The following FAAH2 variants were observed in gnomAD, a reference collection of about 807,000 sequenced individuals.
FAAH2 encodes fatty acid amide hydrolase 2.
FAAH2 carries 60 observed loss-of-function variants against 36.9 expected under a neutral mutation model. That is an observed-to-expected ratio of 1.63 (90% CI 1.32 to 2.02). The LOEUF is 2.02. FAAH2 is among the 30% of genes most tolerant of loss of function. The pLI is 0.00. For synonymous variants in FAAH2, 214 were observed against 143.8 expected, an observed-to-expected ratio of 1.49 and a Z score of -3.49; for missense variants, 689 against 397.5, an observed-to-expected ratio of 1.73 and a Z score of -6.23.
the FAAH2 span, among the ~76,000 whole-genome samples, chrX:57,261,628 G>A: frequency 9.9e-6 from 1 of 101,520 alleles, no homozygotes; most frequent in South Asian, 4.4e-4. Flanking sequence ...AAATCAAAAC[G>A]AATATAAAGT....
chrX:57,288,412 C>G (rs1010880534), intron 1 of FAAH2, among the ~76,000 whole-genome samples: 1 of 85,874 alleles, frequency 1.2e-5, no homozygotes, highest in Non-Finnish European at 2.1e-5. Flanking sequence ...TGCAGTGGTG[C>G]GATCTTCGCT....
Position 57,378,766 on chromosome X carries a change from G to A in FAAH2, c.858G>A (p.Met286Ile), listed in dbSNP as rs752512866. Reference sequence around the variant, plus strand: ...ACCTGGCCCCCATGTTGAAGGTCATGGCAGGACCTGGGATCAAAAGGTATG... The same window carrying A: ...ACCTGGCCCCCATGTTGAAGGTCATAGCAGGACCTGGGATCAAAAGGTATG... ...AEDLAPMLKV[M>I]AGPGIKRLKL... is the part of the protein sequence containing the mutation. Residue 286 changes from methionine (M) to isoleucine (I), a missense_variant, in exon 6 of 11, where the codon ATG (methionine) becomes ATA (isoleucine). Transcript: ENST00000374900. 3 of 1,207,351 alleles carry A rather than the reference G, an allele frequency of 2.5e-6. No individual in the cohort carries two copies. The African/African-American group carries it at 5.3e-5, about 21-fold the overall frequency.
Position 57,392,118 on chromosome X carries a change from C to T in FAAH2, c.996+11089C>T, listed in dbSNP as rs949798411. Among the ~76,000 whole-genome samples, 5 of 111,279 alleles carry T rather than the reference C, an allele frequency of 4.5e-5. No individual in the cohort carries two copies. The South Asian group carries it at 1.1e-3, about 25-fold the overall frequency. On this transcript the variant is annotated intron_variant, in intron 7 of 10. Coordinates refer to ENST00000374900, the MANE Select transcript of FAAH2 (RefSeq NM_174912.4). The stretch of plus-strand genomic sequence containing the variant: ...TTTTATTTGTTTCTTAGGTTTAATG[C>T]TATTGGTGTATCGAAATGCTACTGA...
chrX:57,373,190 G>C (rs1056620031), intron 5 of FAAH2, among the ~76,000 whole-genome samples: 11 of 111,172 alleles, frequency 9.9e-5, no homozygotes, highest in Non-Finnish European at 1.9e-4. Flanking sequence ...TGCTATAAAC[G>C]TGTGTGCAAG....
the FAAH2 span, among the ~76,000 whole-genome samples, chrX:57,235,049 G>T: frequency 9.0e-6 from 1 of 111,068 alleles, no homozygotes; most frequent in African/African-American, 3.3e-5. Context: ...ATGGCCCAGG[G>T]ACTGGGGGCC....
chrX:57,464,673 AC>A (rs1445531361), intron 10 of FAAH2, among the ~76,000 whole-genome samples: 1 of 110,623 alleles, frequency 9.0e-6, no homozygotes, highest in Non-Finnish European at 1.9e-5. Flanking sequence ...ACTATCCAGA[AC>A]CTACAAAAAA....
chrX:57,358,880 T>C (rs1180234740), intron 5 of FAAH2, among the ~76,000 whole-genome samples: 1 of 111,190 alleles, frequency 9.0e-6, no homozygotes, highest in African/African-American at 3.3e-5. Flanking sequence ...TTGTCAGCAC[T>C]TGTGAGTTAT....
chrX:57,151,513 A>C, the FAAH2 span, among the ~76,000 whole-genome samples: 11 of 110,514 alleles, frequency 1.0e-4, no homozygotes, highest in Non-Finnish European at 2.1e-4. Flanking sequence ...CATTCATTTC[A>C]TCTTCCATCG....
chrX:57,230,175 C>A, the FAAH2 span, among the ~76,000 whole-genome samples: 3 of 112,169 alleles, frequency 2.7e-5, no homozygotes, highest in African/African-American at 9.7e-5. Flanking sequence ...GGTATAACTT[C>A]TTTTCCACCC....
chrX:57,199,836 T>C, the FAAH2 span, among the ~76,000 whole-genome samples: 80 of 112,409 alleles, frequency 7.1e-4, no homozygotes, highest in African/African-American at 2.5e-3. Context: ...TACCATTAAG[T>C]AGAAATCTTC....
chrX:57,466,902 C>A (rs1420347263), intron 10 of FAAH2, among the ~76,000 whole-genome samples: 1 of 110,878 alleles, frequency 9.0e-6, no homozygotes, highest in Non-Finnish European at 1.9e-5. Context: ...TGCCTATGAG[C>A]CCTAATCACA....
intron 5 of FAAH2, among the ~76,000 whole-genome samples, chrX:57,345,878 C>T (rs2053808833): frequency 9.0e-6 from 1 of 111,282 alleles, no homozygotes; most frequent in South Asian, 3.7e-4. Flanking sequence ...TTTCATCGTT[C>T]ACCCAAAAGT....
At chrX:57,278,640 A>G in the FAAH2 span, among the ~76,000 whole-genome samples, 1 of 47,611 alleles carries the variant, frequency 2.1e-5, no homozygotes, top group African/African-American at 6.2e-4. Context: ...CAATAAAACA[A>G]AAAAAAACCT....
chrX:57,464,400 G>T (rs1163164141), intron 10 of FAAH2, among the ~76,000 whole-genome samples: 1 of 109,267 alleles, frequency 9.2e-6, no homozygotes, highest in Non-Finnish European at 1.9e-5. Context: ...TTCATCACAT[G>T]CATCCCAGAA....
the FAAH2 span, among the ~76,000 whole-genome samples, chrX:57,186,109 T>C: frequency 9.0e-6 from 1 of 111,556 alleles, no homozygotes; most frequent in East Asian, 2.8e-4. Context: ...CTGGGACCAA[T>C]GGTATTTCTG....
At chrX:57,380,176 C>T (rs942934721) in intron 6 of FAAH2, among the ~76,000 whole-genome samples, 11 of 110,470 alleles carry the variant, frequency 1.0e-4, no homozygotes, top group African/African-American at 3.6e-4. Context: ...GCTCTTCTTC[C>T]TTTGTTCATC....
intron 5 of FAAH2, among the ~76,000 whole-genome samples, chrX:57,362,594 T>C (rs2054312295): frequency 8.9e-6 from 1 of 111,920 alleles, no homozygotes; most frequent in Non-Finnish European, 1.9e-5. Flanking sequence ...GCAAAAGCTC[T>C]TTCACTTAAT....
At chrX:57,201,196 G>A in the FAAH2 span, among the ~76,000 whole-genome samples, 36 of 110,591 alleles carry the variant, frequency 3.3e-4, 1 homozygote, top group Admixed American at 3.1e-3. Context: ...GCTGAGGAGT[G>A]TGGAACACAA....
intron 10 of FAAH2, among the ~76,000 whole-genome samples, chrX:57,450,137 C>T (rs2056757948): frequency 9.0e-6 from 1 of 111,065 alleles, no homozygotes. Context: ...CAGCTTGAGG[C>T]TTCCTATGGT....
Sources: gnomAD v4.1 joint callset for allele counts (sites outside exome capture counted in the v4.1 genomes callset) on GRCh38, gnomAD v4.1.1 for gene constraint, MANE v1.5 for transcripts, NCBI Gene and HGNC (gene_info 2026-07-23, HGNC 2026-07-21) for gene names.